LGALS13: variants seen among roughly 807,000 people sequenced by gnomAD.
LGALS13 encodes galectin 13.
LGALS13 carries 11 observed loss-of-function variants against 13.2 expected under a neutral mutation model. That is an observed-to-expected ratio of 0.83 (90% CI 0.52 to 1.38). The LOEUF is 1.38. Among genes scored for constraint, LGALS13 ranks in the 40% most tolerant of loss-of-function variants. The pLI, the probability that LGALS13 is intolerant of heterozygous loss-of-function variation, is 0.00. For synonymous variants in LGALS13, 71 were observed against 63.7 expected, an observed-to-expected ratio of 1.11 and a Z score of -0.54; for missense variants, 183 against 174.3, an observed-to-expected ratio of 1.05 and a Z score of -0.28.
rs144296975 is a variant in LGALS13, at chr19:39,607,262, C to A, written c.343C>A (p.Arg115=). The A allele has an allele frequency of 1.2e-6, 2 of 1,614,008 alleles. No individual in the cohort carries two copies. Among genetic ancestry groups the A allele is most frequent in the Non-Finnish European group, 1.7e-6 (2 of 1,179,924 alleles). ...NGIRIYGFVH[R]IPPSFVKMVQ... is the part of the protein sequence containing the mutation. Reference sequence around the variant, plus strand: ...CATACGCATTTACGGCTTTGTCCATCGAATCCCGCCATCATTTGTGAAGAT... The same window carrying A: ...CATACGCATTTACGGCTTTGTCCATAGAATCCCGCCATCATTTGTGAAGAT... Residue 115 remains arginine, a synonymous_variant, in exon 4 of 4, where the codon CGA becomes AGA. Coordinates refer to ENST00000221797, the MANE Select transcript of LGALS13 (RefSeq NM_013268.3).
At position 39,604,639 on chromosome 19, in the gene LGALS13, C is replaced by A; in HGVS notation, c.53C>A (p.Ser18Tyr). The stretch of plus-strand genomic sequence containing the variant: ...CTGCCTGTGTCTTTGTCTGTTGGTT[C>A]CTGCGTGATAATCAAAGGGACACCA... ...YKLPVSLSVGSCVIIKGTPIH... is the reference protein window; with the variant it reads ...YKLPVSLSVGYCVIIKGTPIH... The change falls in exon 2 of 4, where the codon TCC becomes TAC. Residue 18 changes from serine (S) to tyrosine (Y), a missense_variant. Coordinates refer to ENST00000221797, the MANE Select transcript of LGALS13 (RefSeq NM_013268.3). 1.2e-6 allele frequency: 2 copies of A among 1,614,182 alleles called. No individual in the cohort carries two copies. Among genetic ancestry groups the A allele is most frequent in the Non-Finnish European group, 1.7e-6 (2 of 1,180,044 alleles).
chr19:39,602,603 C>A lies in LGALS13; in HGVS notation c.15+20C>A. The A allele has an allele frequency of 1.2e-6, 2 of 1,613,506 alleles. No individual in the cohort carries two copies. The highest frequency in any genetic ancestry group is 4.5e-5 in the East Asian group (2 of 44,876). ...TTACCCGTGAGTTGAAAAGGCACAG[C>A]CTTCAAAAATTTCGTGTCACACAAA... On this transcript the variant is annotated intron_variant, in intron 1 of 3. Transcript: ENST00000221797.
intron 2 of LGALS13, 194 bp from the exon 3 acceptor site, chr19:39,604,984 T>C (rs1972660831): frequency 2.9e-6 from 2 of 679,898 alleles, no homozygotes; most frequent in Admixed American, 4.3e-5. Context: ...TCAGTTTTCA[T>C]CTGGGGATGA....
In LGALS13 at chr19:39,604,622, G is replaced by A. The variant is rs202239694; in HGVS notation, c.36G>A (p.Val12=). The A allele has an allele frequency of 6.2e-7, 1 of 1,614,190 alleles. No homozygotes were observed. The highest frequency in any genetic ancestry group is 1.3e-5 in the African/African-American group (1 of 75,054). The change falls in exon 2 of 4, where the codon GTG becomes GTA. Residue 12 remains valine (V), a synonymous_variant. Transcript: ENST00000221797. Reference sequence around the variant, plus strand: ...GGCAGGTGCCATACAAACTGCCTGTGTCTTTGTCTGTTGGTTCCTGCGTGA... The same window carrying A: ...GGCAGGTGCCATACAAACTGCCTGTATCTTTGTCTGTTGGTTCCTGCGTGA... ...SSLPVPYKLP[V]SLSVGSCVII... is the part of the protein sequence containing the mutation.
Position 39,602,696 on chromosome 19 carries a change from G to C in LGALS13, c.15+113G>C, listed in dbSNP as rs1040590568. 13 of 1,037,424 alleles carry C rather than the reference G, an allele frequency of 1.3e-5. No homozygotes were observed. The African/African-American group carries it at 1.9e-4, about 15-fold the overall frequency. 64.3% of individuals were successfully genotyped at this position (1,037,424 alleles called of 1,614,324 possible). ...ATTTTTGCTGTGAATGCTTTACTTAGAGCTATTGAGGTGTGGAATAGAAAC... is the reference window on the plus strand; with the variant it reads ...ATTTTTGCTGTGAATGCTTTACTTACAGCTATTGAGGTGTGGAATAGAAAC... On this transcript the variant is annotated intron_variant, in intron 1 of 3. Transcript: ENST00000221797.
In LGALS13 at chr19:39,607,428, C is replaced by A; in HGVS notation, c.*89C>A. ...GAACCTGCTAACAGAATAATCCCTG[C>A]TCACATTTTCCCCTACACTTTGTCA... On this transcript the variant is annotated 3_prime_UTR_variant, in exon 4 of 4. Coordinates refer to ENST00000221797, the MANE Select transcript of LGALS13 (RefSeq NM_013268.3). The A allele has an allele frequency of 1.1e-6, 1 of 872,900 alleles. No individual in the cohort carries two copies. The highest frequency in any genetic ancestry group is 2.0e-6 in the Non-Finnish European group (1 of 511,598). The allele number at this position is 872,900 out of a possible 1,614,324, so 54.1% of individuals were successfully genotyped here.
intron 1 of LGALS13, 27 bp downstream of exon 1, chr19:39,602,610 A>T: frequency 6.2e-7 from 1 of 1,613,018 alleles, no homozygotes; most frequent in East Asian, 2.2e-5. Context: ...CAGCCTTCAA[A>T]AATTTCGTGT....
At chr19:39,604,501 C>T (rs532745755) in intron 1 of LGALS13, 101 bp from the exon 2 acceptor site, 5 of 1,284,112 alleles carry the variant, frequency 3.9e-6, no homozygotes, top group Non-Finnish European at 5.6e-6. Flanking sequence ...TCCACAGAGT[C>T]TGCCCTTTCA....
chr19:39,607,408 T>C lies in LGALS13; in HGVS notation c.*69T>C. On this transcript the variant is annotated 3_prime_UTR_variant, in exon 4 of 4. Transcript: ENST00000221797. Reference sequence around the variant, plus strand: ...ACCTGACCATGGGATTCCCAGAACCTGCTAACAGAATAATCCCTGCTCACA... The same window carrying C: ...ACCTGACCATGGGATTCCCAGAACCCGCTAACAGAATAATCCCTGCTCACA... The C allele has an allele frequency of 9.9e-7, 1 of 1,007,808 alleles. No individual in the cohort carries two copies. Among genetic ancestry groups the C allele is most frequent in the East Asian group, 2.4e-5 (1 of 41,986 alleles). 62.4% of individuals were successfully genotyped at this position (1,007,808 alleles called of 1,614,324 possible).
At chr19:39,604,024 T>G (rs1283408750) in intron 1 of LGALS13, 1 of 971,688 alleles carries the variant, frequency 1.0e-6, no homozygotes, top group African/African-American at 1.8e-5. Context: ...TAGTGATGCA[T>G]GTGCATCCCA....
intron 3 of LGALS13, 139 bp from the exon 4 acceptor site, chr19:39,607,084 C>T: frequency 1.4e-6 from 1 of 728,654 alleles, no homozygotes; most frequent in Non-Finnish European, 2.5e-6. Flanking sequence ...CATCTGTAAA[C>T]ATAAGTGTAT....
intron 1 of LGALS13, 56 bp from the exon 2 acceptor site, chr19:39,604,546 G>A: frequency 6.3e-7 from 1 of 1,586,694 alleles, no homozygotes; most frequent in Non-Finnish European, 8.6e-7. Flanking sequence ...ATATGTTACA[G>A]GAGGGGAGAC....
Position 39,607,233 on chromosome 19 carries a change from A to G in LGALS13, c.314A>G (p.Asn105Ser), listed in dbSNP as rs374878522. 143 of 1,613,826 alleles carry G rather than the reference A, an allele frequency of 8.9e-5. 1 individual carries two copies. In the South Asian group the frequency reaches 1.3e-3, roughly 14 times the overall value. Reference protein sequence around the residue: ...VHYNEYEIKVNGIRIYGFVHR... With the variant: ...VHYNEYEIKVSGIRIYGFVHR... The stretch of plus-strand genomic sequence containing the variant: ...TTTTTCCTCTTGTAGATAAAGGTCA[A>G]TGGCATACGCATTTACGGCTTTGTC... Residue 105 changes from asparagine (N) to serine (S), a missense_variant, in exon 4 of 4, where the codon AAT becomes AGT. By Grantham distance (46) the Asn-to-Ser change is conservative. Coordinates refer to ENST00000221797, the MANE Select transcript of LGALS13 (RefSeq NM_013268.3).
At chr19:39,604,107 T>A (rs770978507) in intron 1 of LGALS13, 2 of 466,930 alleles carry the variant, frequency 4.3e-6, no homozygotes, top group Non-Finnish European at 5.6e-6. Context: ...CTGGAGTGAA[T>A]GTTTAAATTC....
chr19:39,603,359 C>T (rs1193771709), intron 1 of LGALS13, among the ~76,000 whole-genome samples: 1 of 151,988 alleles, frequency 6.6e-6, no homozygotes, highest in Non-Finnish European at 1.5e-5. Flanking sequence ...GTCCCTAGCC[C>T]ATCCAGTTCT....
At chr19:39,606,009 G>T (rs964111054) in intron 3 of LGALS13, among the ~76,000 whole-genome samples, 23 of 152,104 alleles carry the variant, frequency 1.5e-4, no homozygotes, top group Non-Finnish European at 1.6e-4. Context: ...AGCACACCTG[G>T]CTAATTTTTG....
intron 1 of LGALS13, chr19:39,604,071 T>A: frequency 1.4e-6 from 1 of 709,546 alleles, no homozygotes; most frequent in Non-Finnish European, 1.7e-6. Context: ...CATTTCCCTC[T>A]CCCTTTCAAC....
At chr19:39,605,460 T>C in intron 3 of LGALS13, 72 bp downstream of exon 3, 1 of 1,267,380 alleles carries the variant, frequency 7.9e-7, no homozygotes, top group Non-Finnish European at 1.1e-6. Flanking sequence ...CTCATTGATC[T>C]GGCCTCAGTA....
intron 1 of LGALS13, among the ~76,000 whole-genome samples, chr19:39,602,796 G>C (rs1277994206): frequency 6.6e-6 from 1 of 152,222 alleles, no homozygotes; most frequent in Admixed American, 6.5e-5. Context: ...TTCGGTGAGT[G>C]TGAGGTGGTG....
Sources: allele counts gnomAD v4.1 joint callset (sites outside exome capture counted in the v4.1 genomes callset), GRCh38; gene constraint gnomAD v4.1.1; transcripts MANE v1.5; gene names NCBI Gene and HGNC (gene_info 2026-07-23, HGNC 2026-07-21).